Variants in ZBTB20 observed in about 807,000 individuals in gnomAD.
ZBTB20 encodes zinc finger and BTB domain containing 20, also known as zinc finger and BTB domain-containing protein 20.
ZBTB20 carries 9 observed loss-of-function variants against 56.9 expected under a neutral mutation model. The observed-to-expected ratio is 0.16, with a 90% CI of 0.10 to 0.28. The LOEUF is 0.28. Among genes scored for constraint, ZBTB20 ranks in the 10% least tolerant of loss-of-function variants. The pLI is 1.00. For synonymous variants in ZBTB20, 417 were observed against 420.7 expected, an observed-to-expected ratio of 0.99 and a Z score of 0.11; for missense variants, 655 against 1,003.0, an observed-to-expected ratio of 0.65 and a Z score of 4.69.
chr3:115,045,354 G>T (rs563445606), intron 2 of ZBTB20, among the ~76,000 whole-genome samples: 3 of 151,762 alleles, frequency 2.0e-5, no homozygotes, highest in African/African-American at 7.3e-5. Flanking sequence ...TAATTTTTTT[G>T]TCTATATAAT....
intron 1 of ZBTB20, among the ~76,000 whole-genome samples, chr3:115,113,416 G>A (rs2083933819): frequency 6.6e-6 from 1 of 152,196 alleles, no homozygotes; most frequent in Admixed American, 6.5e-5. Context: ...GCCAGAATAT[G>A]AAGCATTGGT....
At chr3:114,457,895 G>C (rs1211363171) in intron 7 of ZBTB20, among the ~76,000 whole-genome samples, 2 of 152,164 alleles carry the variant, frequency 1.3e-5, no homozygotes, top group Admixed American at 1.3e-4. Flanking sequence ...TAGGTATTCA[G>C]TCAATGTGTG....
At chr3:114,840,676 C>A (rs1344225321) in intron 4 of ZBTB20, among the ~76,000 whole-genome samples, 1 of 152,150 alleles carries the variant, frequency 6.6e-6, no homozygotes, top group Non-Finnish European at 1.5e-5. Context: ...ATAATAATTT[C>A]TAGGACAGAG....
chr3:114,732,858 A>T (rs73857562), intron 5 of ZBTB20, among the ~76,000 whole-genome samples: 9,744 of 152,166 alleles, frequency 0.064, 398 homozygotes, highest in African/African-American at 0.1. Flanking sequence ...GAGGGAATTC[A>T]ATTACACTAA....
chr3:114,670,600 A>G (rs2061312585), intron 6 of ZBTB20, among the ~76,000 whole-genome samples: 1 of 152,092 alleles, frequency 6.6e-6, no homozygotes, highest in Non-Finnish European at 1.5e-5. Flanking sequence ...ACTAAAATTT[A>G]TTTCTAGAAC....
At chr3:114,970,269 T>C (rs1228638727) in intron 3 of ZBTB20, among the ~76,000 whole-genome samples, 1 of 152,224 alleles carries the variant, frequency 6.6e-6, no homozygotes, top group Admixed American at 6.5e-5. Context: ...CAAAGGTATG[T>C]TGAGTGGTAC....
intron 1 of ZBTB20, among the ~76,000 whole-genome samples, chr3:115,144,147 T>C (rs2084899143): frequency 6.6e-6 from 1 of 152,208 alleles, no homozygotes; most frequent in Non-Finnish European, 1.5e-5. Context: ...TACTTCCGTA[T>C]TCCAAATGTT....
intron 7 of ZBTB20, among the ~76,000 whole-genome samples, chr3:114,443,668 C>T (rs986614965): frequency 2.6e-5 from 4 of 152,002 alleles, no homozygotes; most frequent in Non-Finnish European, 5.9e-5. Context: ...TCTATGACCT[C>T]GAGAAGTATA....
intron 7 of ZBTB20, among the ~76,000 whole-genome samples, chr3:114,413,282 C>T (rs9843972): frequency 0.25 from 37,291 of 151,982 alleles, 5,548 homozygotes; most frequent in East Asian, 0.53. Flanking sequence ...TTCTAGTATA[C>T]GTGAACTGGA....
chr3:114,846,986 C>T (rs2074736682), intron 4 of ZBTB20, among the ~76,000 whole-genome samples: 1 of 152,152 alleles, frequency 6.6e-6, no homozygotes, highest in Non-Finnish European at 1.5e-5. Flanking sequence ...AATATTTACT[C>T]TTGATCTAAA....
intron 2 of ZBTB20, among the ~76,000 whole-genome samples, chr3:115,053,254 A>T (rs2081621333): frequency 6.6e-6 from 1 of 152,174 alleles, no homozygotes; most frequent in African/African-American, 2.4e-5. Context: ...CTATAAATCC[A>T]ACAGAGCTTT....
intron 6 of ZBTB20, among the ~76,000 whole-genome samples, chr3:114,594,757 G>GA (rs1447868624): frequency 1.3e-5 from 2 of 152,146 alleles, no homozygotes; most frequent in Admixed American, 6.5e-5. Context: ...GCCACCCATG[G>GA]AAAATACCAA....
intron 6 of ZBTB20, among the ~76,000 whole-genome samples, chr3:114,673,213 A>G (rs1163595355): frequency 1.4e-4 from 21 of 152,100 alleles, no homozygotes; most frequent in Admixed American, 1.4e-3. Flanking sequence ...CCATGCCAAC[A>G]GCATTCTTCA....
intron 2 of ZBTB20, among the ~76,000 whole-genome samples, chr3:114,997,562 C>CATGTA (rs2079077285): frequency 6.6e-6 from 1 of 150,456 alleles, no homozygotes; most frequent in Non-Finnish European, 1.5e-5. Flanking sequence ...TTTTTCTTTT[C>CATGTA]TTTAAAAAAA....
intron 7 of ZBTB20, among the ~76,000 whole-genome samples, chr3:114,466,829 A>T (rs753966207): frequency 4.6e-5 from 7 of 152,234 alleles, no homozygotes; most frequent in African/African-American, 9.6e-5. Context: ...AATATTTAGA[A>T]CATGGGAGAA....
intron 6 of ZBTB20, among the ~76,000 whole-genome samples, chr3:114,549,855 C>T (rs1346379584): frequency 6.6e-6 from 1 of 151,408 alleles, no homozygotes; most frequent in East Asian, 1.9e-4. Flanking sequence ...GAGCAACTGG[C>T]CCCAACTAAC....
chr3:114,609,219 C>G (rs2057377286), intron 6 of ZBTB20, among the ~76,000 whole-genome samples: 1 of 152,124 alleles, frequency 6.6e-6, no homozygotes, highest in African/African-American at 2.4e-5. Flanking sequence ...GAAAACTAAC[C>G]AAGAAACAAA....
chr3:115,094,992 C>T (rs932613044), intron 1 of ZBTB20, among the ~76,000 whole-genome samples: 19 of 151,984 alleles, frequency 1.3e-4, no homozygotes, highest in Non-Finnish European at 2.9e-5. Flanking sequence ...TAAATCCTTA[C>T]ATTAGTAATG....
In ZBTB20 at chr3:114,753,395, G is replaced by GTA. The variant is rs1220235369; in HGVS notation, c.-343+47704_-343+47705dup. On this transcript the variant is annotated intron_variant, in intron 5 of 11. Coordinates refer to ENST00000675478, the MANE Select transcript of ZBTB20 (RefSeq NM_001348800.3). Reference sequence around the variant, plus strand: ...ATAATGTATATACACATACATGTATGTATATATATACACACACGTATATAT... The same window carrying GTA: ...ATAATGTATATACACATACATGTATGTATATATATATACACACACGTATATAT... Among the ~76,000 whole-genome samples, 11 of 39,416 alleles carry GTA rather than the reference G, an allele frequency of 2.8e-4. 2 individuals are homozygous for GTA. Among genetic ancestry groups the GTA allele is most frequent in the African/African-American group, 1.2e-3 (11 of 9,366 alleles). 25.9% of individuals were successfully genotyped at this position (39,416 alleles called of 152,430 possible). A position where few individuals can be genotyped will look rare whatever the true frequency, so the allele number is the denominator to read the frequency against.
Sources: gnomAD v4.1 joint callset for allele counts (sites outside exome capture counted in the v4.1 genomes callset) on GRCh38, gnomAD v4.1.1 for gene constraint, MANE v1.5 for transcripts, NCBI Gene and HGNC (gene_info 2026-07-23, HGNC 2026-07-21) for gene names.